Variants in SAMD5 observed in about 807,000 individuals in gnomAD.
The protein encoded by SAMD5 is sterile alpha motif domain-containing protein 5.
In SAMD5, 13 loss-of-function variants were observed where a neutral mutation model predicts 11.3. That is an observed-to-expected ratio of 1.15 (90% CI 0.75 to 1.83). The LOEUF is 1.83. Ranked by LOEUF, SAMD5 falls within the 40% of genes most tolerant of loss-of-function variation. The pLI is 0.00. For synonymous variants in SAMD5, 129 were observed against 111.3 expected (o/e 1.16, Z -1.00); for missense variants, 255 against 239.1 (o/e 1.07, Z -0.44).
At chr6:147,570,847 C>T (rs1446800743), downstream of SAMD5, among the ~76,000 whole-genome samples, 4 of 152,234 alleles carry the variant, frequency 2.6e-5, no homozygotes, top group East Asian at 7.7e-4. Flanking sequence ...GACTAAGGTG[C>T]CAGGAGTGAG....
intron 1 of SAMD5, among the ~76,000 whole-genome samples, chr6:147,617,620 G>A (rs1046662729): frequency 2.6e-5 from 4 of 152,164 alleles, no homozygotes; most frequent in Non-Finnish European, 4.4e-5. Context: ...GGCAGATGCC[G>A]GAAACAAATG....
the SAMD5 span, among the ~76,000 whole-genome samples, chr6:147,879,892 A>T: frequency 6.6e-6 from 1 of 152,310 alleles, no homozygotes; most frequent in Non-Finnish European, 1.5e-5. Flanking sequence ...CCTTTTGCAC[A>T]ACACGGACCT....
At chr6:147,530,881 G>C (rs1015068199) in intron 1 of SAMD5, among the ~76,000 whole-genome samples, 1 of 152,068 alleles carries the variant, frequency 6.6e-6, no homozygotes, top group Admixed American at 6.6e-5. Context: ...TGTTATTCTG[G>C]GACCTATAAA....
chr6:147,914,714 G>A, the SAMD5 span, among the ~76,000 whole-genome samples: 4 of 151,992 alleles, frequency 2.6e-5, no homozygotes, highest in African/African-American at 9.7e-5. Flanking sequence ...ACTTGCAAGG[G>A]GAAAAACAGT....
the SAMD5 span, among the ~76,000 whole-genome samples, chr6:147,880,280 C>G: frequency 6.6e-6 from 1 of 152,096 alleles, no homozygotes; most frequent in African/African-American, 2.4e-5. Context: ...CTCTCTCTCT[C>G]TCTCTGTCTC....
chr6:147,895,217 C>T, the SAMD5 span, among the ~76,000 whole-genome samples: 6,349 of 152,182 alleles, frequency 0.042, 173 homozygotes, highest in Middle Eastern at 0.068. Flanking sequence ...TTAGAGGTGA[C>T]AAAGTCCTTA....
At chr6:147,935,393 TA>T in the SAMD5 span, among the ~76,000 whole-genome samples, 1 of 152,184 alleles carries the variant, frequency 6.6e-6, no homozygotes, top group Non-Finnish European at 1.5e-5. Context: ...ATTACTGTTT[TA>T]AAGATGACTA....
chr6:147,566,047 G>T lies in SAMD5; in HGVS notation c.*1591G>T, dbSNP rs913763268. ...TGGTCCATTTTGGTTCCTAAGAATA[G>T]ATAGGCCATTAAGAAGGATATTAGG... On this transcript the variant is annotated 3_prime_UTR_variant, in exon 2 of 2. Coordinates refer to ENST00000367474, the MANE Select transcript of SAMD5 (RefSeq NM_001030060.3). 32 of 984,898 alleles carry T rather than the reference G, an allele frequency of 3.2e-5. No homozygotes were observed. Among genetic ancestry groups the T allele is most frequent in the Non-Finnish European group, 3.6e-5 (30 of 829,562 alleles). 61.0% of individuals were successfully genotyped at this position (984,898 alleles called of 1,614,324 possible).
the SAMD5 span, among the ~76,000 whole-genome samples, chr6:147,750,272 A>G: frequency 6.6e-6 from 1 of 152,242 alleles, no homozygotes; most frequent in Non-Finnish European, 1.5e-5. Context: ...AGATGAGGTC[A>G]TTGAAAATGT....
intron 1 of SAMD5, among the ~76,000 whole-genome samples, chr6:147,638,680 G>A (rs1790267563): frequency 6.6e-6 from 1 of 152,192 alleles, no homozygotes; most frequent in South Asian, 2.1e-4. Context: ...GCAAATAAGT[G>A]TGGGAGACCT....
At chr6:147,589,705 T>G (rs1192055815) in intron 1 of SAMD5, among the ~76,000 whole-genome samples, 2 of 152,176 alleles carry the variant, frequency 1.3e-5, no homozygotes, top group African/African-American at 2.4e-5. Flanking sequence ...TTAAACACAT[T>G]GATAAATATA....
At chr6:147,587,257 A>T (rs1789386990) in intron 1 of SAMD5, among the ~76,000 whole-genome samples, 1 of 151,954 alleles carries the variant, frequency 6.6e-6, no homozygotes, top group African/African-American at 2.4e-5. Flanking sequence ...TTGCTTTTTG[A>T]GATGGAGTTT....
intron 1 of SAMD5, among the ~76,000 whole-genome samples, chr6:147,536,084 C>T (rs951324749): frequency 9.2e-5 from 14 of 152,034 alleles, no homozygotes; most frequent in African/African-American, 3.1e-4. Flanking sequence ...CCCGGGTTCA[C>T]GCCATTCTCC....
intron 1 of SAMD5, among the ~76,000 whole-genome samples, chr6:147,671,889 A>ATTTTTTTTTTTTT (rs56865442): frequency 1.3e-4 from 13 of 98,034 alleles, no homozygotes; most frequent in Non-Finnish European, 1.8e-4. Flanking sequence ...CTTTTTCAGG[A>ATTTTTTTTTTTTT]TTTTTTTTTT....
At chr6:147,758,885 T>C in the SAMD5 span, among the ~76,000 whole-genome samples, 1 of 152,176 alleles carries the variant, frequency 6.6e-6, no homozygotes, top group Non-Finnish European at 1.5e-5. Flanking sequence ...GGGGGTACTC[T>C]AAAAGAAGGT....
the SAMD5 span, among the ~76,000 whole-genome samples, chr6:147,923,305 T>G: frequency 6.6e-6 from 1 of 152,204 alleles, no homozygotes; most frequent in Non-Finnish European, 1.5e-5. Flanking sequence ...TGTACTTGTG[T>G]GTCCATGAAT....
At chr6:147,524,393 GTTTT>G (rs1788303617) in intron 1 of SAMD5, among the ~76,000 whole-genome samples, 2 of 150,576 alleles carry the variant, frequency 1.3e-5, no homozygotes, top group Non-Finnish European at 3.0e-5. Context: ...AGAGTAATGG[GTTTT>G]TTTGTTTTTG....
chr6:147,837,478 G>A, the SAMD5 span, among the ~76,000 whole-genome samples: 255 of 152,346 alleles, frequency 1.7e-3, 1 homozygote, highest in African/African-American at 6.0e-3. Context: ...CACATAAGAG[G>A]AGAAATCTAA....
At chr6:147,799,113 G>C in the SAMD5 span, among the ~76,000 whole-genome samples, 1 of 151,656 alleles carries the variant, frequency 6.6e-6, no homozygotes, top group Admixed American at 6.6e-5. Context: ...CTGTCATTAT[G>C]ATGTTAGCTG....
Sources: allele counts gnomAD v4.1 joint callset (sites outside exome capture counted in the v4.1 genomes callset), GRCh38; gene constraint gnomAD v4.1.1; transcripts MANE v1.5; gene names NCBI Gene and HGNC (gene_info 2026-07-23, HGNC 2026-07-21).